The following SEMA3C variants were observed in gnomAD, a reference collection of about 807,000 sequenced individuals.
The protein encoded by SEMA3C is semaphorin 3C.
SEMA3C carries 47 observed loss-of-function variants against 89.4 expected under a neutral mutation model. That is an observed-to-expected ratio of 0.53 (90% CI 0.42 to 0.67). SEMA3C has a LOEUF of 0.67. SEMA3C is among the 30% of genes least tolerant of loss of function. The pLI, the probability that SEMA3C is intolerant of heterozygous loss-of-function variation, is 0.00. For synonymous variants in SEMA3C, 310 were observed against 320.2 expected (o/e 0.97, Z 0.34); for missense variants, 839 against 929.1 (o/e 0.90, Z 1.26).
intron 2 of SEMA3C, among the ~76,000 whole-genome samples, chr7:80,913,172 A>G (rs543212540): frequency 8.5e-5 from 13 of 152,296 alleles, no homozygotes; most frequent in African/African-American, 2.9e-4. Context: ...AGGCTGAGAC[A>G]GGCGGATCAC....
chr7:80,787,518 C>T (rs896606369), intron 12 of SEMA3C, among the ~76,000 whole-genome samples: 7 of 151,422 alleles, frequency 4.6e-5, no homozygotes, highest in Non-Finnish European at 1.0e-4. Context: ...TCCTCTGACA[C>T]ATGACTGAAG....
chr7:80,772,420 A>G (rs575186411), intron 12 of SEMA3C, among the ~76,000 whole-genome samples: 11 of 152,332 alleles, frequency 7.2e-5, no homozygotes, highest in Middle Eastern at 3.4e-3. Flanking sequence ...AAACTGACTT[A>G]TTTAGCACAA....
chr7:80,857,662 T>G (rs2115971178), intron 2 of SEMA3C, among the ~76,000 whole-genome samples: 1 of 152,296 alleles, frequency 6.6e-6, no homozygotes, highest in Middle Eastern at 3.4e-3. Flanking sequence ...CAAAACTTAT[T>G]TTCTAGGTAG....
chr7:80,916,243 C>A (rs561982228), intron 2 of SEMA3C, among the ~76,000 whole-genome samples: 1 of 152,240 alleles, frequency 6.6e-6, no homozygotes, highest in South Asian at 2.1e-4. Context: ...CACGGAGTAA[C>A]CAGTTTTGAG....
intron 2 of SEMA3C, among the ~76,000 whole-genome samples, chr7:80,912,839 A>G (rs1381710939): frequency 6.6e-6 from 1 of 152,210 alleles, no homozygotes; most frequent in Non-Finnish European, 1.5e-5. Context: ...AACTATTTCA[A>G]CAAACGTGCC....
chr7:80,776,459 C>A (rs1788551394), intron 12 of SEMA3C, among the ~76,000 whole-genome samples: 1 of 152,132 alleles, frequency 6.6e-6, no homozygotes, highest in African/African-American at 2.4e-5. Context: ...GCCCTACACA[C>A]CTGACAAGGT....
At chr7:80,820,648 A>G (rs893759343) in intron 4 of SEMA3C, among the ~76,000 whole-genome samples, 2 of 152,184 alleles carry the variant, frequency 1.3e-5, no homozygotes, top group Non-Finnish European at 2.9e-5. Flanking sequence ...TTTTTAAGAC[A>G]TTAAGGATTT....
At chr7:80,874,359 G>C (rs1791146481) in intron 2 of SEMA3C, among the ~76,000 whole-genome samples, 1 of 152,128 alleles carries the variant, frequency 6.6e-6, no homozygotes, top group Admixed American at 6.5e-5. Flanking sequence ...GAAATTATCA[G>C]AATTATATCC....
chr7:80,788,045 A>G (rs1449891525), intron 12 of SEMA3C, among the ~76,000 whole-genome samples: 1 of 152,230 alleles, frequency 6.6e-6, no homozygotes. Flanking sequence ...GTTTTCAAGA[A>G]TAAAAAAAGG....
At chr7:80,791,449 G>A (rs888198472) in intron 11 of SEMA3C, among the ~76,000 whole-genome samples, 9 of 151,990 alleles carry the variant, frequency 5.9e-5, no homozygotes, top group Non-Finnish European at 1.0e-4. Context: ...CAGCACTATC[G>A]TGTTGGTTTT....
At chr7:80,752,145 T>A (rs925430998) in intron 15 of SEMA3C, among the ~76,000 whole-genome samples, 1 of 152,220 alleles carries the variant, frequency 6.6e-6, no homozygotes, top group Non-Finnish European at 1.5e-5. Context: ...CATAACAATA[T>A]AATTATCTAA....
intron 11 of SEMA3C, among the ~76,000 whole-genome samples, chr7:80,789,785 TATGAG>T (rs1294553252): frequency 6.6e-6 from 1 of 152,214 alleles, no homozygotes; most frequent in Non-Finnish European, 1.5e-5. Flanking sequence ...CCATCTTGTA[TATGAG>T]ATAACTCTTC....
chr7:80,922,188 C>T (rs1792420969), upstream of SEMA3C: 1 of 1,182,484 alleles, frequency 8.5e-7, no homozygotes, highest in Non-Finnish European at 1.1e-6. Flanking sequence ...TAGTAAATAT[C>T]AGAATAGGAA....
chr7:80,899,207 CTT>C (rs1268929136), intron 2 of SEMA3C, among the ~76,000 whole-genome samples: 2 of 151,948 alleles, frequency 1.3e-5, no homozygotes, highest in African/African-American at 4.8e-5. Flanking sequence ...CGCCCGGCTA[CTT>C]TTTGTATTTT....
At position 80,765,202 on chromosome 7, in the gene SEMA3C, T is replaced by A; in HGVS notation, c.1396A>T (p.Asn466Tyr). Residue 466 changes from asparagine to tyrosine, a missense_variant, in exon 13 of 18, where the codon AAC becomes TAC. Transcript: ENST00000265361. ...AGAATGAGCTCGCCACTGACAGAGTTGTTAGTAGGAAGAACAACCACTTTT... is the reference window on the plus strand; with the variant it reads ...AGAATGAGCTCGCCACTGACAGAGTAGTTAGTAGGAAGAACAACCACTTTT... ...VQKVVVLPTN[N>Y]SVSGELILEE... 1 of 1,613,812 alleles carries A rather than the reference T, an allele frequency of 6.2e-7. No homozygotes were observed. Among genetic ancestry groups the A allele is most frequent in the Admixed American group, 1.7e-5 (1 of 59,982 alleles).
chr7:80,826,081 C>T (rs1415794630), intron 4 of SEMA3C, among the ~76,000 whole-genome samples: 1 of 152,124 alleles, frequency 6.6e-6, no homozygotes, highest in African/African-American at 2.4e-5. Flanking sequence ...GCCAGAGATC[C>T]TACCCTCCAG....
chr7:80,838,718 A>C (rs1790194864), intron 2 of SEMA3C, among the ~76,000 whole-genome samples: 1 of 152,124 alleles, frequency 6.6e-6, no homozygotes, highest in African/African-American at 2.4e-5. Flanking sequence ...GGGAAAGCAA[A>C]GCTCCTCTTA....
chr7:80,752,024 G>A (rs996003225), intron 15 of SEMA3C, among the ~76,000 whole-genome samples: 1 of 152,102 alleles, frequency 6.6e-6, no homozygotes, highest in Non-Finnish European at 1.5e-5. Flanking sequence ...TATATATCAT[G>A]TATATGCTGT....
chr7:80,755,366 G>C (rs1325783207), intron 15 of SEMA3C, among the ~76,000 whole-genome samples: 2 of 148,632 alleles, frequency 1.3e-5, no homozygotes, highest in African/African-American at 2.5e-5. Context: ...CTTCTAAAAT[G>C]TAAAAAAGTA....
Sources: allele counts gnomAD v4.1 joint callset (sites outside exome capture counted in the v4.1 genomes callset), GRCh38; gene constraint gnomAD v4.1.1; transcripts MANE v1.5; gene names NCBI Gene and HGNC (gene_info 2026-07-23, HGNC 2026-07-21).